The following KCNK13 variants were observed in gnomAD, a reference collection of about 807,000 sequenced individuals.
KCNK13 encodes the protein potassium channel subfamily K member 13.
In KCNK13, 12 loss-of-function variants were observed where a neutral mutation model predicts 23.4. That is an observed-to-expected ratio of 0.51 (90% CI 0.33 to 0.83). The LOEUF is 0.83. KCNK13 is among the 40% of genes least tolerant of loss of function. KCNK13 has a pLI of 0.02. For synonymous variants in KCNK13, 231 were observed against 229.5 expected (o/e 1.01, Z -0.06); for missense variants, 463 against 556.3 (o/e 0.83, Z 1.69).
At chr14:90,155,308 G>C (rs1170095467) in intron 1 of KCNK13, among the ~76,000 whole-genome samples, 1 of 152,182 alleles carries the variant, frequency 6.6e-6, no homozygotes, top group Non-Finnish European at 1.5e-5. Flanking sequence ...TGGAGCCAAA[G>C]AGACTGAGTG....
rs375959112 is a variant in KCNK13, at chr14:90,109,833, C to T, written c.334+47294C>T. 6.6e-5 allele frequency among the ~76,000 whole-genome samples: 10 copies of T among 152,066 alleles called. No homozygotes were observed. In the South Asian group the frequency reaches 1.2e-3, roughly 19 times the overall value. On this transcript the variant is annotated intron_variant, in intron 1 of 1. Transcript: ENST00000282146. Reference sequence around the variant, plus strand: ...AGGTGATCCTCCCACTTCAACCTTCCGAGCAGCTGAGATCACAGGCATGCA... The same window carrying T: ...AGGTGATCCTCCCACTTCAACCTTCTGAGCAGCTGAGATCACAGGCATGCA...
chr14:90,179,747 T>A (rs1890464647), intron 1 of KCNK13, among the ~76,000 whole-genome samples: 1 of 152,174 alleles, frequency 6.6e-6, no homozygotes, highest in South Asian at 2.1e-4. Context: ...TGACTGTCAG[T>A]TTCATTTGTA....
At chr14:90,072,059 A>G (rs1889081715) in intron 1 of KCNK13, among the ~76,000 whole-genome samples, 1 of 152,018 alleles carries the variant, frequency 6.6e-6, no homozygotes, top group South Asian at 2.1e-4. Flanking sequence ...GGTGGGGAAA[A>G]TCACCTCATC....
In KCNK13 at chr14:90,121,826, T is replaced by C. The variant is rs534958455; in HGVS notation, c.334+59287T>C. Reference sequence around the variant, plus strand: ...CCTCTGCCTCCCAGGTTCAAGTGATTCTCCTGCCTCAGCCTCCCGAGTAGC... The same window carrying C: ...CCTCTGCCTCCCAGGTTCAAGTGATCCTCCTGCCTCAGCCTCCCGAGTAGC... On this transcript the variant is annotated intron_variant, in intron 1 of 1. Coordinates refer to ENST00000282146, the MANE Select transcript of KCNK13 (RefSeq NM_022054.4). Among the ~76,000 whole-genome samples, 122 of 152,164 alleles carry C rather than the reference T, an allele frequency of 8.0e-4. 1 individual carries two copies. The highest frequency in any genetic ancestry group is 6.8e-3 in the Middle Eastern group (2 of 294).
intron 1 of KCNK13, among the ~76,000 whole-genome samples, chr14:90,099,096 T>TA (rs72104481): frequency 0.14 from 20,855 of 148,850 alleles, 1,706 homozygotes; most frequent in East Asian, 0.27. Context: ...TTTTAAAAAT[T>TA]AAAAAAAAAA....
rs188215291 is a variant in KCNK13, at chr14:90,139,440, T to C, written c.335-44671T>C. Among the ~76,000 whole-genome samples, 30 of 146,916 alleles carry C rather than the reference T, an allele frequency of 2.0e-4. No individual in the cohort carries two copies. The East Asian group carries it at 5.1e-3, about 25-fold the overall frequency. On this transcript the variant is annotated intron_variant, in intron 1 of 1. Transcript: ENST00000282146. ...GAGCAAGGGGGAGAGTGTGATGAAA[T>C]GGGGCTGGGGGTGAGGCAAGACTTC...
intron 1 of KCNK13, among the ~76,000 whole-genome samples, chr14:90,092,131 C>T (rs1889354860): frequency 6.6e-6 from 1 of 152,052 alleles, no homozygotes; most frequent in South Asian, 2.1e-4. Context: ...ACCATGTTAG[C>T]CAGGATGGTC....
chr14:90,075,816 C>G (rs1020748217), intron 1 of KCNK13, among the ~76,000 whole-genome samples: 2 of 152,186 alleles, frequency 1.3e-5, no homozygotes, highest in Non-Finnish European at 2.9e-5. Flanking sequence ...ATCTTTCTCT[C>G]TAGTTTCATT....
chr14:90,153,374 G>A (rs1440265616), intron 1 of KCNK13, among the ~76,000 whole-genome samples: 1 of 152,154 alleles, frequency 6.6e-6, no homozygotes, highest in Non-Finnish European at 1.5e-5. Context: ...ATAAGTCTCT[G>A]TAAAATAGAA....
intron 1 of KCNK13, among the ~76,000 whole-genome samples, chr14:90,104,093 CTCCTGATCTT>C (rs1282557299): frequency 2.6e-5 from 4 of 152,132 alleles, no homozygotes; most frequent in Non-Finnish European, 5.9e-5. Flanking sequence ...CTCTTTTTCT[CTCCTGATCTT>C]ACCCTTTTCT....
chr14:90,062,177 G>T lies in KCNK13; in HGVS notation c.-29G>T, dbSNP rs1362835905. 1.5e-6 allele frequency: 2 copies of T among 1,342,078 alleles called. No homozygotes were observed. The highest frequency in any genetic ancestry group is 1.7e-5 in the South Asian group (1 of 58,024). The allele number at this position is 1,342,078 out of a possible 1,614,324, so 83.1% of individuals were successfully genotyped here. ...ACTCCGCCGACGCCCGGTGCCGTGG[G>T]CCTGGGGGCTGCCCCCGGGGGCCCG... On this transcript the variant is annotated 5_prime_UTR_variant, in exon 1 of 2. Coordinates refer to ENST00000282146, the MANE Select transcript of KCNK13 (RefSeq NM_022054.4). The surrounding 1 kb of genome is among the most constrained non-coding windows in gnomAD (Gnocchi z 4.5).
intron 1 of KCNK13, among the ~76,000 whole-genome samples, chr14:90,174,448 G>A (rs553808070): frequency 6.6e-6 from 1 of 152,196 alleles, no homozygotes; most frequent in Non-Finnish European, 1.5e-5. Context: ...GACACGTGGG[G>A]ATTATAATAT....
intron 1 of KCNK13, among the ~76,000 whole-genome samples, chr14:90,150,632 G>T (rs1890124694): frequency 6.6e-6 from 1 of 152,164 alleles, no homozygotes; most frequent in Non-Finnish European, 1.5e-5. Context: ...AGGTGTACAT[G>T]CTAACAGGAA....
chr14:90,174,696 A>G (rs531447728), intron 1 of KCNK13, among the ~76,000 whole-genome samples: 81 of 152,112 alleles, frequency 5.3e-4, no homozygotes, highest in Non-Finnish European at 1.0e-3. Flanking sequence ...TCTACAAAAA[A>G]TCCAAAAATT....
chr14:90,166,213 G>A (rs2140440881), intron 1 of KCNK13, among the ~76,000 whole-genome samples: 1 of 152,302 alleles, frequency 6.6e-6, no homozygotes, highest in South Asian at 2.1e-4. Context: ...AATGAGAGAG[G>A]AGTCATAACC....
At chr14:90,129,834 G>A (rs939346757) in intron 1 of KCNK13, among the ~76,000 whole-genome samples, 4 of 151,982 alleles carry the variant, frequency 2.6e-5, no homozygotes, top group African/African-American at 9.7e-5. Context: ...GGCTTAACAA[G>A]CAGAAGAATG....
intron 1 of KCNK13, among the ~76,000 whole-genome samples, chr14:90,140,504 T>G (rs1889993140): frequency 6.6e-6 from 1 of 152,092 alleles, no homozygotes; most frequent in Non-Finnish European, 1.5e-5. Context: ...GGACTGTGAG[T>G]CATCATCCCT....
chr14:90,163,015 A>G (rs1392394535), intron 1 of KCNK13, among the ~76,000 whole-genome samples: 1 of 152,238 alleles, frequency 6.6e-6, no homozygotes, highest in Non-Finnish European at 1.5e-5. Context: ...GCCAGTAAAC[A>G]CATGAAAAAT....
intron 1 of KCNK13, among the ~76,000 whole-genome samples, chr14:90,076,764 CTG>C (rs1186175316): frequency 6.6e-6 from 1 of 152,180 alleles, no homozygotes. Flanking sequence ...GGAAGGTACT[CTG>C]TGAGCAGTTA....
Sources: gnomAD v4.1 joint callset for allele counts (sites outside exome capture counted in the v4.1 genomes callset) on GRCh38, gnomAD v4.1.1 for gene constraint, Gnocchi (gnomAD v3.1) non-coding constraint, MANE v1.5 for transcripts, NCBI Gene and HGNC (gene_info 2026-07-23, HGNC 2026-07-21) for gene names.